CYB5R3: variants seen among roughly 807,000 people sequenced by gnomAD.
CYB5R3 encodes the protein cytochrome b5 reductase 3.
CYB5R3 carries 28 observed loss-of-function variants against 36.5 expected under a neutral mutation model. The ratio of observed to expected loss-of-function variants is 0.77; its 90% confidence interval spans 0.57 to 1.05. CYB5R3 has a LOEUF of 1.05. Among genes scored for constraint, CYB5R3 ranks in the 50% least tolerant of loss-of-function variants. The pLI is 0.00. For synonymous variants in CYB5R3, 181 were observed against 159.8 expected, an observed-to-expected ratio of 1.13 and a Z score of -1.00; for missense variants, 474 against 408.9, an observed-to-expected ratio of 1.16 and a Z score of -1.37.
chr22:42,636,971 C>A, intron 1 of CYB5R3, 125 bp from the exon 2 acceptor site: 4 of 1,336,864 alleles, frequency 3.0e-6, no homozygotes, highest in Non-Finnish European at 4.1e-6. Flanking sequence ...CTCCCCACCA[C>A]CCTCATCCAG....
At chr22:42,634,936 C>T (rs1057102169) in intron 2 of CYB5R3, among the ~76,000 whole-genome samples, 2 of 151,098 alleles carry the variant, frequency 1.3e-5, no homozygotes, top group Non-Finnish European at 2.9e-5. Context: ...TCTGGAGTAG[C>T]TGGGACTACA....
In CYB5R3 at chr22:42,637,611, C is replaced by T. The variant is rs555248795; in HGVS notation, c.22-765G>A. 2.0e-5 allele frequency among the ~76,000 whole-genome samples: 3 copies of T among 152,228 alleles called. No homozygotes were observed. The South Asian group carries it at 6.2e-4, about 32-fold the overall frequency. ...CCCTTCCCCTCTCAACCTGAGTGGA[C>T]CAGGTGATCTGCAAGGCCCCCAGAG... On this transcript the variant is annotated intron_variant, in intron 1 of 8. Transcript: ENST00000352397.
intron 8 of CYB5R3, among the ~76,000 whole-genome samples, chr22:42,620,248 C>CA (rs1927894285): frequency 6.6e-6 from 1 of 152,124 alleles, no homozygotes; most frequent in Non-Finnish European, 1.5e-5. Context: ...GTGGACAGGG[C>CA]GGGGAATATG....
chr22:42,648,532 A>T (rs1359593664), intron 1 of CYB5R3, among the ~76,000 whole-genome samples: 1 of 152,136 alleles, frequency 6.6e-6, no homozygotes, highest in Non-Finnish European at 1.5e-5. Flanking sequence ...TTGAAACCCC[A>T]TGGAGCAGGC....
chr22:42,638,748 A>AAAAAAAAAAAAAAAAAAAC (rs1341887762), intron 1 of CYB5R3, among the ~76,000 whole-genome samples: 2 of 124,976 alleles, frequency 1.6e-5, no homozygotes, highest in Non-Finnish European at 3.4e-5. Context: ...AAAAAAAAAA[A>AAAAAAAAAAAAAAAAAAAC]AAGGCCGGGC....
intron 1 of CYB5R3, among the ~76,000 whole-genome samples, chr22:42,643,534 T>C (rs1312271155): frequency 7.0e-6 from 1 of 143,752 alleles, no homozygotes; most frequent in Non-Finnish European, 1.5e-5. Context: ...ACAAAAGGCC[T>C]CTCTCCCAGG....
At chr22:42,626,046 C>T (rs748259277) in intron 7 of CYB5R3, among the ~76,000 whole-genome samples, 4 of 152,080 alleles carry the variant, frequency 2.6e-5, no homozygotes, top group Non-Finnish European at 5.9e-5. Flanking sequence ...CTGTGGCTCA[C>T]GCCTGTAATC....
At chr22:42,639,629 C>CA (rs112945823) in intron 1 of CYB5R3, among the ~76,000 whole-genome samples, 65,186 of 148,158 alleles carry the variant, frequency 0.44, 14,604 homozygotes, top group Middle Eastern at 0.51. Context: ...GACTCCATCT[C>CA]AAAAAAAAAA....
rs191734423 is a variant in CYB5R3, at chr22:42,636,290, C to T, written c.153+425G>A. Reference sequence around the variant, plus strand: ...CAGGGCAGAGGAAGCCCACACAGCTCAGAGCACCCAGGGAATCTGCACAGA... The same window carrying T: ...CAGGGCAGAGGAAGCCCACACAGCTTAGAGCACCCAGGGAATCTGCACAGA... On this transcript the variant is annotated intron_variant, in intron 2 of 8. Coordinates refer to ENST00000352397, the MANE Select transcript of CYB5R3 (RefSeq NM_000398.7). Among the ~76,000 whole-genome samples the T allele has an allele frequency of 3.9e-3, 597 of 152,170 alleles. 4 individuals are homozygous for T. Among genetic ancestry groups the T allele is most frequent in the Non-Finnish European group, 5.5e-3 (377 of 68,006 alleles).
chr22:42,641,194 T>C (rs1472822103), intron 1 of CYB5R3, among the ~76,000 whole-genome samples: 2 of 152,128 alleles, frequency 1.3e-5, no homozygotes, highest in Non-Finnish European at 2.9e-5. Context: ...CTAGCTTACT[T>C]TACTGTAAAA....
At chr22:42,628,801 G>A (rs911346031) in intron 4 of CYB5R3, among the ~76,000 whole-genome samples, 23 of 152,312 alleles carry the variant, frequency 1.5e-4, no homozygotes, top group African/African-American at 5.5e-4. Flanking sequence ...AAGAAATGGG[G>A]AGACAGAGGA....
intron 1 of CYB5R3, among the ~76,000 whole-genome samples, chr22:42,638,730 A>T (rs1452453784): frequency 9.6e-5 from 6 of 62,698 alleles, no homozygotes; most frequent in African/African-American, 2.4e-4. Context: ...AGACTCCATA[A>T]AAAAAAAAAA....
At position 42,636,797 on chromosome 22, in the gene CYB5R3, A is replaced by C; in HGVS notation, c.71T>G (p.Met24Arg). Residue 24 changes from methionine (M) to arginine (R), a missense_variant, in exon 2 of 9, where the codon ATG (methionine) becomes AGG (arginine). By Grantham distance (91) the Met-to-Arg change is moderately conservative (BLOSUM62 -1). Coordinates refer to ENST00000352397, the MANE Select transcript of CYB5R3 (RefSeq NM_000398.7). The part of the protein sequence containing the change: ...FPVWFLYSLL[M>R]KLFQRSTPAI... ...TGGCGTGGAGCGCTGGAACAGCTTC[A>C]TGAGCAGACTGTACAGGAACCAGAC... 1 of 1,613,998 alleles carries C rather than the reference A, an allele frequency of 6.2e-7. No homozygotes were observed. The highest frequency in any genetic ancestry group is 8.5e-7 in the Non-Finnish European group (1 of 1,180,008).
At chr22:42,631,306 C>T (rs1928602469) in intron 3 of CYB5R3, 72 bp downstream of exon 3, 2 of 1,426,680 alleles carry the variant, frequency 1.4e-6, no homozygotes, top group South Asian at 1.2e-5. Flanking sequence ...AAATGTAAAG[C>T]TTCCATCTCT....
chr22:42,639,143 A>C (rs1364797007), intron 1 of CYB5R3: 2 of 363,044 alleles, frequency 5.5e-6, no homozygotes, highest in Non-Finnish European at 1.1e-5. Flanking sequence ...CAGCCTGGCC[A>C]ACATGGTGAA....
At chr22:42,645,416 C>G (rs541029452) in intron 1 of CYB5R3, among the ~76,000 whole-genome samples, 1 of 152,176 alleles carries the variant, frequency 6.6e-6, no homozygotes, top group Non-Finnish European at 1.5e-5. Flanking sequence ...GTCAGAAAAG[C>G]CCGCTTGTCC....
rs912063380 is a variant in CYB5R3 at position 42,627,520 on chromosome 22, G to A, written c.547+85C>T. On this transcript the variant is annotated intron_variant, in intron 6 of 8. Transcript: ENST00000352397. ...GGCCCCTGACCTCTGGTAGCTCCCAGGCACTCAGAACCTGCGCCTCACCCA... is the reference window on the plus strand; with the variant it reads ...GGCCCCTGACCTCTGGTAGCTCCCAAGCACTCAGAACCTGCGCCTCACCCA... 3.4e-6 allele frequency: 5 copies of A among 1,478,688 alleles called. No individual in the cohort carries two copies. In the African/African-American group the frequency reaches 6.9e-5, roughly 21 times the overall value. The allele number at this position is 1,478,688 out of a possible 1,614,324, so 91.6% of individuals were successfully genotyped here.
chr22:42,646,749 T>TG (rs1362686498), intron 1 of CYB5R3: 1 of 985,740 alleles, frequency 1.0e-6, no homozygotes, highest in East Asian at 1.1e-4. Flanking sequence ...AGTTCTGCAG[T>TG]GGGGGGCTCT....
In CYB5R3 at chr22:42,645,448, G is replaced by A. The variant is rs8190399; in HGVS notation, c.21+3847C>T. On this transcript the variant is annotated intron_variant, in intron 1 of 8. Coordinates refer to ENST00000352397, the MANE Select transcript of CYB5R3 (RefSeq NM_000398.7). ...GTCCTCCAAGAGCACAGGCCTCAGA[G>A]GTGGGCTTAGGATCCGGCTCCAGGC... Among the ~76,000 whole-genome samples, 410 of 152,314 alleles carry A rather than the reference G, an allele frequency of 2.7e-3. 2 individuals are homozygous for A. The highest frequency in any genetic ancestry group is 9.4e-3 in the African/African-American group (389 of 41,554).
Sources: allele counts gnomAD v4.1 joint callset (sites outside exome capture counted in the v4.1 genomes callset), GRCh38; gene constraint gnomAD v4.1.1; transcripts MANE v1.5; gene names NCBI Gene and HGNC (gene_info 2026-07-23, HGNC 2026-07-21).